Variants in C16orf78 observed in about 807,000 individuals in gnomAD.
C16orf78 encodes the protein chromosome 16 open reading frame 78, also known as uncharacterized protein C16orf78.
Under a neutral mutation model 27.3 loss-of-function variants are expected in C16orf78, and 19 were observed. That is an observed-to-expected ratio of 0.70 (90% CI 0.49 to 1.02). The LOEUF (loss-of-function observed/expected upper bound fraction) is 1.02, where lower values mean the gene tolerates loss of function less well. C16orf78 is among the 50% of genes least tolerant of loss of function. The pLI is 0.00. For missense variants in C16orf78, 339 were observed against 337.0 expected (o/e 1.01, Z -0.05); for synonymous variants, 130 against 116.1 (o/e 1.12, Z -0.77).
intron 3 of C16orf78, among the ~76,000 whole-genome samples, chr16:49,379,210 G>A (rs1351963417): frequency 6.6e-6 from 1 of 152,178 alleles, no homozygotes; most frequent in African/African-American, 2.4e-5. Context: ...TAAGCAAGAT[G>A]ATGCATGAAA....
chr16:49,384,832 C>A (rs913233476), intron 3 of C16orf78, among the ~76,000 whole-genome samples: 1 of 152,166 alleles, frequency 6.6e-6, no homozygotes, highest in Non-Finnish European at 1.5e-5. Context: ...GAAACCCCCA[C>A]AAGACTATGA....
chr16:49,375,301 A>G lies in C16orf78; in HGVS notation c.150+1212A>G, dbSNP rs190506519. On this transcript the variant is annotated intron_variant, in intron 1 of 4. Coordinates refer to ENST00000299191, the MANE Select transcript of C16orf78 (RefSeq NM_144602.4). ...ATTAGTCCATTCTCATACTGCTACA[A>G]AGAAATACCTGAGACTGGGTCATTT... Among the ~76,000 whole-genome samples, 8 of 152,280 alleles carry G rather than the reference A, an allele frequency of 5.3e-5. No homozygotes were observed. The East Asian group carries it at 1.5e-3, about 29-fold the overall frequency.
chr16:49,385,579 T>C (rs992049244), intron 3 of C16orf78, among the ~76,000 whole-genome samples: 2 of 149,260 alleles, frequency 1.3e-5, no homozygotes, highest in Non-Finnish European at 3.0e-5. Flanking sequence ...TACTTGAACC[T>C]GGGAGGCAGA....
At chr16:49,386,693 G>A (rs1965355724) in intron 3 of C16orf78, among the ~76,000 whole-genome samples, 1 of 152,152 alleles carries the variant, frequency 6.6e-6, no homozygotes, top group South Asian at 2.1e-4. Flanking sequence ...GTGAGAGCAT[G>A]CAGTCTTTGG....
chr16:49,398,495 A>T (rs1965499705), intron 4 of C16orf78, among the ~76,000 whole-genome samples: 1 of 152,218 alleles, frequency 6.6e-6, no homozygotes, highest in Non-Finnish European at 1.5e-5. Context: ...TATTAAAAAC[A>T]AATGCTCACC....
At chr16:49,392,720 A>C (rs1271622779) in intron 3 of C16orf78, among the ~76,000 whole-genome samples, 2 of 152,188 alleles carry the variant, frequency 1.3e-5, no homozygotes, top group African/African-American at 4.8e-5. Context: ...AGGTTCTAGG[A>C]GTACATGTGC....
intron 3 of C16orf78, among the ~76,000 whole-genome samples, chr16:49,386,869 C>T (rs1965357871): frequency 6.6e-6 from 1 of 152,136 alleles, no homozygotes; most frequent in Non-Finnish European, 1.5e-5. Context: ...TAAGTTGATT[C>T]CATGCTTTGC....
At chr16:49,393,066 C>G (rs1485968833) in intron 3 of C16orf78, among the ~76,000 whole-genome samples, 1 of 152,174 alleles carries the variant, frequency 6.6e-6, no homozygotes, top group African/African-American at 2.4e-5. Context: ...GCCTCCCCAG[C>G]CATGTGGAAC....
intron 3 of C16orf78, among the ~76,000 whole-genome samples, chr16:49,380,937 AG>A (rs1413861132): frequency 1.3e-5 from 2 of 151,848 alleles, no homozygotes; most frequent in African/African-American, 4.8e-5. Context: ...AAGATCAGAT[AG>A]TTGTAGATAT....
chr16:49,393,201 C>T (rs55849337), intron 3 of C16orf78, among the ~76,000 whole-genome samples: 4,106 of 152,230 alleles, frequency 0.027, 73 homozygotes, highest in Non-Finnish European at 0.04. Flanking sequence ...CCACATCTCC[C>T]TCCCATTCTC....
chr16:49,387,148 G>T (rs1965360695), intron 3 of C16orf78, among the ~76,000 whole-genome samples: 1 of 152,180 alleles, frequency 6.6e-6, no homozygotes, highest in Admixed American at 6.5e-5. Flanking sequence ...TCTGACTGGT[G>T]TGAGATGGTA....
At chr16:49,394,343 G>T (rs1292634273) in intron 3 of C16orf78, among the ~76,000 whole-genome samples, 1 of 152,030 alleles carries the variant, frequency 6.6e-6, no homozygotes, top group East Asian at 1.9e-4. Flanking sequence ...AATGTACAAT[G>T]TCTGAAATGA....
chr16:49,391,470 G>A (rs1458704333), intron 3 of C16orf78, among the ~76,000 whole-genome samples: 1 of 152,216 alleles, frequency 6.6e-6, no homozygotes, highest in Non-Finnish European at 1.5e-5. Flanking sequence ...ACCCAGGAAT[G>A]TGGGTCATTT....
intron 3 of C16orf78, among the ~76,000 whole-genome samples, chr16:49,379,876 G>C (rs1355857137): frequency 6.6e-6 from 1 of 152,204 alleles, no homozygotes; most frequent in Non-Finnish European, 1.5e-5. Context: ...GTCTGTGAGG[G>C]TGTTGCCAAA....
chr16:49,395,500 A>G (rs1310092656), intron 3 of C16orf78, among the ~76,000 whole-genome samples: 1 of 151,692 alleles, frequency 6.6e-6, no homozygotes, highest in Non-Finnish European at 1.5e-5. Flanking sequence ...GTGTTAGCAG[A>G]TTTTAGGTGT....
chr16:49,378,884 T>C (rs1469048054), intron 3 of C16orf78, among the ~76,000 whole-genome samples: 2 of 152,210 alleles, frequency 1.3e-5, no homozygotes, highest in African/African-American at 4.8e-5. Context: ...TTCCTGAAGC[T>C]ATTTTGGTGA....
chr16:49,397,847 C>A (rs1431560854), intron 4 of C16orf78, among the ~76,000 whole-genome samples: 4 of 152,270 alleles, frequency 2.6e-5, no homozygotes, highest in Middle Eastern at 6.8e-3. Flanking sequence ...CTCACTGCAA[C>A]CTCCACCTCC....
rs544757961 is a variant in C16orf78, at chr16:49,386,185, C to T, written c.394+7592C>T. The stretch of plus-strand genomic sequence containing the variant: ...ACTGAAATATTTATTCACTCAACAT[C>T]AGAGTATCTAAATATATAAAAAAAA... On this transcript the variant is annotated intron_variant, in intron 3 of 4. Coordinates refer to ENST00000299191, the MANE Select transcript of C16orf78 (RefSeq NM_144602.4). Among the ~76,000 whole-genome samples, 14 of 152,224 alleles carry T rather than the reference C, an allele frequency of 9.2e-5. No individual in the cohort carries two copies. The South Asian group carries it at 2.9e-3, about 32-fold the overall frequency.
chr16:49,390,606 C>CTGCCT (rs1440189560), intron 3 of C16orf78, among the ~76,000 whole-genome samples: 2 of 152,206 alleles, frequency 1.3e-5, no homozygotes, highest in African/African-American at 4.8e-5. Flanking sequence ...TAATGTGACC[C>CTGCCT]TGCCTTGGAG....
Sources: allele counts gnomAD v4.1 joint callset (sites outside exome capture counted in the v4.1 genomes callset), GRCh38; gene constraint gnomAD v4.1.1; transcripts MANE v1.5; gene names NCBI Gene and HGNC (gene_info 2026-07-23, HGNC 2026-07-21).